Variants in ACBD6 observed in about 807,000 individuals in gnomAD.
The protein encoded by ACBD6 is acyl-CoA-binding domain-containing protein 6.
ACBD6 carries 28 observed loss-of-function variants against 37.2 expected under a neutral mutation model. That is an observed-to-expected ratio of 0.75 (90% CI 0.56 to 1.03). The LOEUF (loss-of-function observed/expected upper bound fraction) is 1.03. ACBD6 is among the 50% of genes least tolerant of loss of function. The probability of loss-of-function intolerance (pLI) is 0.00; values close to 1 mark genes in which losing one functional copy is unlikely to be tolerated. For missense variants in ACBD6, 340 were observed against 337.4 expected, an observed-to-expected ratio of 1.01 and a Z score of -0.06; for synonymous variants, 113 against 126.8, an observed-to-expected ratio of 0.89 and a Z score of 0.73.
At chr1:180,320,543 G>A (rs1054439863) in intron 6 of ACBD6, among the ~76,000 whole-genome samples, 1 of 152,180 alleles carries the variant, frequency 6.6e-6, no homozygotes, top group African/African-American at 2.4e-5. Context: ...GGAGGCTGAG[G>A]TTGGAGAAAT....
At chr1:180,332,300 C>T (rs1185725068) in intron 6 of ACBD6, among the ~76,000 whole-genome samples, 1 of 152,202 alleles carries the variant, frequency 6.6e-6, no homozygotes, top group Non-Finnish European at 1.5e-5. Flanking sequence ...GTTCCCCTTC[C>T]CCACTACAAT....
At chr1:180,279,066 G>A (rs1417551780) in intron 9 of ACBD6, 1 of 151,960 alleles carries the variant, frequency 6.6e-6, no homozygotes, top group Non-Finnish European at 1.5e-5. Context: ...AGTGATGTGA[G>A]GTCCTTTCCT....
intron 3 of ACBD6, among the ~76,000 whole-genome samples, chr1:180,452,722 T>A (rs920656672): frequency 1.3e-5 from 2 of 151,722 alleles, no homozygotes; most frequent in African/African-American, 4.8e-5. Context: ...CAAAAAATGA[T>A]AAAGGGGATA....
intron 6 of ACBD6, among the ~76,000 whole-genome samples, chr1:180,321,090 G>T (rs1651052169): frequency 6.6e-6 from 1 of 152,018 alleles, no homozygotes; most frequent in African/African-American, 2.4e-5. Flanking sequence ...TGTTGAAAAA[G>T]GGTTCACTAT....
chr1:180,451,009 T>C (rs1649682294), intron 3 of ACBD6, among the ~76,000 whole-genome samples: 1 of 152,188 alleles, frequency 6.6e-6, no homozygotes, highest in Non-Finnish European at 1.5e-5. Context: ...GCTAAAAGAC[T>C]GTATGCTAGA....
intron 6 of ACBD6, among the ~76,000 whole-genome samples, chr1:180,377,211 A>G (rs1371046917): frequency 6.6e-6 from 1 of 152,204 alleles, no homozygotes; most frequent in Admixed American, 6.5e-5. Flanking sequence ...GTAATTTTTG[A>G]TTATAATCAA....
At chr1:180,301,460 CATAAG>C (rs1650126404) in intron 7 of ACBD6, among the ~76,000 whole-genome samples, 1 of 152,202 alleles carries the variant, frequency 6.6e-6, no homozygotes, top group African/African-American at 2.4e-5. Flanking sequence ...TTAAGAAAAT[CATAAG>C]ATAAAATACA....
In ACBD6 at chr1:180,288,455, G is replaced by C; in HGVS notation, c.757C>G (p.Leu253Val). The change falls in exon 8 of 8, where the codon CTC (leucine) becomes GTC (valine). Residue 253 changes from leucine (L) to valine (V), a missense_variant. Transcript: ENST00000367595. Reference sequence around the variant, plus strand: ...GGCAGGCAGCCATCCTGGTCTCGGAGAGTGGGGTCAGCACCAGACTGGAGC... The same window carrying C: ...GGCAGGCAGCCATCCTGGTCTCGGACAGTGGGGTCAGCACCAGACTGGAGC... ...LLLQSGADPT[L>V]RDQDGCLPEE... 6.2e-7 allele frequency: 1 copy of C among 1,613,822 alleles called. No homozygotes were observed. The highest frequency in any genetic ancestry group is 8.5e-7 in the Non-Finnish European group (1 of 1,179,984).
intron 3 of ACBD6, among the ~76,000 whole-genome samples, chr1:180,482,606 T>C (rs548495286): frequency 1.3e-5 from 2 of 152,182 alleles, no homozygotes; most frequent in African/African-American, 4.8e-5. Context: ...GCATCTTATT[T>C]ATGTTGAACT....
At chr1:180,346,296 A>G (rs1323230328) in intron 6 of ACBD6, among the ~76,000 whole-genome samples, 1 of 152,220 alleles carries the variant, frequency 6.6e-6, no homozygotes, top group Non-Finnish European at 1.5e-5. Flanking sequence ...ACTCAAAAGC[A>G]AATTAAATTT....
At chr1:180,450,145 T>C (rs1387248352) in intron 3 of ACBD6, among the ~76,000 whole-genome samples, 1 of 152,188 alleles carries the variant, frequency 6.6e-6, no homozygotes, top group African/African-American at 2.4e-5. Context: ...GACAGGATTT[T>C]AGTTTACTGA....
chr1:180,493,247 CAAAAAAAAAAAAA>C (rs71121023), intron 2 of ACBD6, among the ~76,000 whole-genome samples: 13 of 47,796 alleles, frequency 2.7e-4, no homozygotes, highest in Admixed American at 3.4e-4. Context: ...AATTCTGTCT[CAAAAAAAAAAAAA>C]AAAAAAAAAA....
chr1:180,392,432 TA>T (rs1408767104), intron 6 of ACBD6, among the ~76,000 whole-genome samples: 1 of 152,126 alleles, frequency 6.6e-6, no homozygotes, highest in Non-Finnish European at 1.5e-5. Context: ...TACATGTAAG[TA>T]GAAAAAAGAT....
chr1:180,319,020 T>A (rs961580844), intron 6 of ACBD6, among the ~76,000 whole-genome samples: 1 of 152,156 alleles, frequency 6.6e-6, no homozygotes, highest in African/African-American at 2.4e-5. Context: ...TGTTTTGTGG[T>A]GGGAGAATTT....
chr1:180,350,065 G>C (rs6694896), intron 6 of ACBD6, among the ~76,000 whole-genome samples: 1 of 136,422 alleles, frequency 7.3e-6, no homozygotes, highest in Non-Finnish European at 1.5e-5. Context: ...TTGCTCTGTC[G>C]CCCAGGCTGG....
chr1:180,332,733 C>T (rs1651533246), intron 6 of ACBD6, among the ~76,000 whole-genome samples: 1 of 152,006 alleles, frequency 6.6e-6, no homozygotes. Flanking sequence ...ATATAAAGTG[C>T]ACAATAAATG....
chr1:180,493,064 C>T (rs1272826305), intron 2 of ACBD6, among the ~76,000 whole-genome samples: 1 of 151,826 alleles, frequency 6.6e-6, no homozygotes, highest in South Asian at 2.1e-4. Flanking sequence ...GCCTGGCCAA[C>T]ATGGTGAAAC....
intron 3 of ACBD6, among the ~76,000 whole-genome samples, chr1:180,453,260 A>G (rs905824550): frequency 6.6e-6 from 1 of 152,262 alleles, no homozygotes; most frequent in Non-Finnish European, 1.5e-5. Flanking sequence ...GGCTGGTTCA[A>G]CATATGCAAA....
exon 14 of ACBD6, chr1:180,269,851 A>AT (rs1269587392): frequency 1.3e-5 from 2 of 152,200 alleles, no homozygotes; most frequent in African/African-American, 4.8e-5. Flanking sequence ...CTCTCTAAGT[A>AT]GTGTAGTCTC....
Sources: allele counts gnomAD v4.1 joint callset (sites outside exome capture counted in the v4.1 genomes callset), GRCh38; gene constraint gnomAD v4.1.1; transcripts MANE v1.5; gene names NCBI Gene and HGNC (gene_info 2026-07-23, HGNC 2026-07-21).